The following SYNRG variants were observed in gnomAD, a reference collection of about 807,000 sequenced individuals.
SYNRG encodes AP1 gamma subunit binding protein 1.
In SYNRG, 37 loss-of-function variants were observed where a neutral mutation model predicts 130.9. The observed-to-expected ratio is 0.28, with a 90% CI of 0.22 to 0.37. SYNRG has a LOEUF of 0.37. SYNRG is among the 10% of genes least tolerant of loss of function. SYNRG has a pLI of 1.00. For missense variants in SYNRG, 1,338 were observed against 1,588.9 expected (o/e 0.84, Z 2.68); for synonymous variants, 539 against 568.1 (o/e 0.95, Z 0.73).
intron 19 of SYNRG, among the ~76,000 whole-genome samples, chr17:37,524,706 A>G (rs185047646): frequency 6.6e-6 from 1 of 152,358 alleles, no homozygotes; most frequent in Admixed American, 6.5e-5. Flanking sequence ...CACTTGCCCT[A>G]CACCTCTCTC....
intron 19 of SYNRG, among the ~76,000 whole-genome samples, chr17:37,523,505 A>G (rs1598048007): frequency 6.6e-6 from 1 of 152,224 alleles, no homozygotes; most frequent in Admixed American, 6.5e-5. Flanking sequence ...CTGGCTCATA[A>G]AATTCCTGAA....
chr17:37,573,870 A>G (rs2060620673), intron 8 of SYNRG, among the ~76,000 whole-genome samples: 1 of 152,210 alleles, frequency 6.6e-6, no homozygotes, highest in Non-Finnish European at 1.5e-5. Flanking sequence ...TACCAATTAC[A>G]TTCTTCACAG....
chr17:37,525,228 T>C (rs2055685921), intron 19 of SYNRG, among the ~76,000 whole-genome samples: 1 of 152,192 alleles, frequency 6.6e-6, no homozygotes, highest in Non-Finnish European at 1.5e-5. Flanking sequence ...AAATTGATCA[T>C]CTCCTTATTT....
At chr17:37,548,966 T>C (rs567539910) in intron 14 of SYNRG, among the ~76,000 whole-genome samples, 2 of 151,374 alleles carry the variant, frequency 1.3e-5, no homozygotes, top group Non-Finnish European at 2.9e-5. Context: ...GAAACCCCCA[T>C]CTCTATTAAA....
chr17:37,574,941 T>C (rs1186581017), intron 8 of SYNRG, among the ~76,000 whole-genome samples: 2 of 152,050 alleles, frequency 1.3e-5, no homozygotes, highest in Non-Finnish European at 2.9e-5. Flanking sequence ...ATGTGGTACA[T>C]ATACACAATG....
rs2058850703 is a variant in SYNRG, at chr17:37,553,371, A to G, written c.2352T>C (p.Phe784=). 1 of 1,614,092 alleles carries G rather than the reference A, an allele frequency of 6.2e-7. No homozygotes were observed. The highest frequency in any genetic ancestry group is 1.3e-5 in the African/African-American group (1 of 74,930). The change falls in exon 14 of 22, where the codon TTT becomes TTC. Residue 784 remains phenylalanine, a synonymous_variant. Transcript: ENST00000612223. ...DDFADFHSSK[F]SSINSDKSLG... is the part of the protein sequence containing the mutation. The stretch of plus-strand genomic sequence containing the variant: ...GGGATTTGTCCGAGTTTATGGAAGA[A>G]AATTTACTGGAGTGGAAGTCAGCAA...
In SYNRG at chr17:37,524,310, G is replaced by A. The variant is rs897877140; in HGVS notation, c.3667-3662C>T. Among the ~76,000 whole-genome samples, 8 of 150,618 alleles carry A rather than the reference G, an allele frequency of 5.3e-5. No individual in the cohort carries two copies. The East Asian group carries it at 1.6e-3, about 29-fold the overall frequency. On this transcript the variant is annotated intron_variant, in intron 19 of 21. Coordinates refer to ENST00000612223, the MANE Select transcript of SYNRG (RefSeq NM_007247.6). ...TATGATCTGTATTTTTCCTCACCAG[G>A]AAAAAAAAAGATTTCTCCTTATAAA... is the stretch of plus-strand genomic sequence containing the variant.
chr17:37,579,327 A>G (rs2061102931), intron 6 of SYNRG: 2 of 1,304,298 alleles, frequency 1.5e-6, no homozygotes, highest in Non-Finnish European at 2.0e-6. Context: ...GAAGGCCCAC[A>G]TGGGGGAACT....
At chr17:37,596,585 G>C (rs1407984563) in intron 2 of SYNRG, among the ~76,000 whole-genome samples, 2 of 152,094 alleles carry the variant, frequency 1.3e-5, no homozygotes, top group Non-Finnish European at 2.9e-5. Context: ...TATGGAATTT[G>C]TATGCATATT....
At chr17:37,555,933 T>C (rs2059089312) in intron 13 of SYNRG, among the ~76,000 whole-genome samples, 2 of 151,794 alleles carry the variant, frequency 1.3e-5, no homozygotes, top group Admixed American at 1.3e-4. Context: ...AACAAATAAA[T>C]ATAGCTATAC....
chr17:37,557,792 G>T (rs1344785198), intron 13 of SYNRG, among the ~76,000 whole-genome samples: 1 of 151,952 alleles, frequency 6.6e-6, no homozygotes, highest in African/African-American at 2.4e-5. Flanking sequence ...GCTGCTGTGA[G>T]CTATGACTGC....
chr17:37,598,434 A>G (rs998258817), intron 2 of SYNRG, among the ~76,000 whole-genome samples: 3 of 152,190 alleles, frequency 2.0e-5, no homozygotes, highest in African/African-American at 7.2e-5. Context: ...CCACAGTAAG[A>G]TGTTTTCCGT....
chr17:37,572,678 C>T (rs145450680), intron 8 of SYNRG, among the ~76,000 whole-genome samples: 126 of 152,188 alleles, frequency 8.3e-4, no homozygotes, highest in African/African-American at 2.7e-3. Context: ...CACTCTTCTC[C>T]AGTAAATTAG....
intron 11 of SYNRG, among the ~76,000 whole-genome samples, chr17:37,565,262 TAAAAA>T (rs5820225): frequency 6.9e-6 from 1 of 145,610 alleles, no homozygotes; most frequent in Non-Finnish European, 1.5e-5. Flanking sequence ...GACTCCGTCT[TAAAAA>T]AAAAAAAAAT....
rs775368423 is a variant in SYNRG at position 37,542,082 on chromosome 17, T to G, written c.3092A>C (p.Lys1031Thr). ...GAAGTCAAATTTGCTGATTTTGGGC[T>G]TTTCACTTTGAAACTCTCCAAAGTC... ...SDDFGEFQSEKPKISKFDFLV... is the reference protein window; with the variant it reads ...SDDFGEFQSETPKISKFDFLV... The change falls in exon 15 of 22, where the codon AAG becomes ACG. Residue 1031 changes from lysine to threonine, a missense_variant. Coordinates refer to ENST00000612223, the MANE Select transcript of SYNRG (RefSeq NM_007247.6). The G allele has an allele frequency of 1.9e-6, 3 of 1,614,228 alleles. No homozygotes were observed. Among genetic ancestry groups the G allele is most frequent in the Non-Finnish European group, 1.7e-6 (2 of 1,180,042 alleles).
rs2057637914 is a variant in SYNRG at position 37,540,428 on chromosome 17, G to A, written c.3318C>T (p.Ala1106=). Residue 1106 remains alanine, a synonymous_variant, in exon 16 of 22, where the codon GCC becomes GCT. Coordinates refer to ENST00000612223, the MANE Select transcript of SYNRG (RefSeq NM_007247.6). Reference sequence around the variant, plus strand: ...TGTACTTGTCTCGGATGACGGGCAGGGCGGGCTTCTCATTCAGAGTATTGG... The same window carrying A: ...TGTACTTGTCTCGGATGACGGGCAGAGCGGGCTTCTCATTCAGAGTATTGG... The part of the protein sequence containing the change: ...DRSNTLNEKP[A]LPVIRDKYKD... 6.2e-7 allele frequency: 1 copy of A among 1,613,810 alleles called. No homozygotes were observed. Among genetic ancestry groups the A allele is most frequent in the East Asian group, 2.2e-5 (1 of 44,876 alleles).
chr17:37,536,369 CTTAGGCAAGTCACA>C, intron 18 of SYNRG: 1 of 507,378 alleles, frequency 2.0e-6, no homozygotes. Context: ...GCTACATGAC[CTTAGGCAAGTCACA>C]TAATCTCTCT....
chr17:37,522,193 G>A (rs908860603), intron 19 of SYNRG, among the ~76,000 whole-genome samples: 7 of 140,638 alleles, frequency 5.0e-5, no homozygotes, highest in East Asian at 4.1e-4. Context: ...TTGGAAAGCC[G>A]TCCAGTCACT....
In SYNRG at chr17:37,516,720, G is replaced by A. The variant is rs1053376618; in HGVS notation, c.*2220C>T. 6.8e-5 allele frequency: 10 copies of A among 147,958 alleles called. No individual in the cohort carries two copies. The highest frequency in any genetic ancestry group is 5.9e-4 in the East Asian group (3 of 5,050). The allele number at this position is 147,958 out of a possible 1,614,324, so 9.2% of individuals were successfully genotyped here. ...GCTCTGTCATCACCTACGCTGTCAC[G>A]TGCAGCCTCAAACTCCTGGACTTGT... is the stretch of plus-strand genomic sequence containing the variant. On this transcript the variant is annotated 3_prime_UTR_variant, in exon 22 of 22. Transcript: ENST00000612223.
Sources: allele counts gnomAD v4.1 joint callset (sites outside exome capture counted in the v4.1 genomes callset), GRCh38; gene constraint gnomAD v4.1.1; transcripts MANE v1.5; gene names NCBI Gene and HGNC (gene_info 2026-07-23, HGNC 2026-07-21).